KIRREL1: variants seen among roughly 807,000 people sequenced by gnomAD.
The protein encoded by KIRREL1 is kirre like nephrin family adhesion molecule 1, also known as kin of IRRE-like protein 1.
In KIRREL1, 25 loss-of-function variants were observed where a neutral mutation model predicts 83.3. The ratio of observed to expected loss-of-function variants is 0.30; its 90% confidence interval spans 0.22 to 0.42. The LOEUF is 0.42. Ranked by LOEUF, KIRREL1 falls within the 10% of genes least tolerant of loss-of-function variation. KIRREL1 has a pLI of 1.00. For synonymous variants in KIRREL1, 388 were observed against 410.4 expected (o/e 0.95, Z 0.66); for missense variants, 812 against 1,032.3 (o/e 0.79, Z 2.92).
intron 13 of KIRREL1, 78 bp downstream of exon 13, chr1:158,093,840 C>T (rs887140599): frequency 9.3e-6 from 14 of 1,510,732 alleles, no homozygotes; most frequent in Admixed American, 5.2e-5. Flanking sequence ...CTCTAATAAC[C>T]GCGGTCATTC....
At chr1:158,054,345 A>G (rs1477134325) in intron 1 of KIRREL1, among the ~76,000 whole-genome samples, 1 of 152,026 alleles carries the variant, frequency 6.6e-6, no homozygotes, top group Non-Finnish European at 1.5e-5. Flanking sequence ...TAGAAGTTAT[A>G]TAAACAAAAT....
At chr1:158,057,367 G>T (rs1661093714) in intron 1 of KIRREL1, among the ~76,000 whole-genome samples, 1 of 152,178 alleles carries the variant, frequency 6.6e-6, no homozygotes, top group Non-Finnish European at 1.5e-5. Context: ...TAGGGCCCTT[G>T]ACTTCCTAAG....
intron 10 of KIRREL1, 91 bp downstream of exon 10, chr1:158,089,909 C>A: frequency 9.2e-7 from 1 of 1,084,748 alleles, no homozygotes; most frequent in Non-Finnish European, 1.4e-6. Context: ...TTTGCTCCTT[C>A]AACTTCCCTG....
intron 1 of KIRREL1, among the ~76,000 whole-genome samples, chr1:158,049,076 G>C (rs1660847987): frequency 6.6e-6 from 1 of 152,214 alleles, no homozygotes; most frequent in African/African-American, 2.4e-5. Flanking sequence ...TGCAAGTGTG[G>C]AGACAGAACG....
At chr1:158,087,932 G>A (rs1662065584) in intron 6 of KIRREL1, 72 bp downstream of exon 6, 22 of 1,607,944 alleles carry the variant, frequency 1.4e-5, no homozygotes, top group Middle Eastern at 1.7e-4. Context: ...GCTGTACTGG[G>A]GAGGCCAGGT....
rs1314497440 is a variant in KIRREL1, at chr1:158,100,109, A to C, written c.*4989A>C. ...GGACAAACCATTGTAGGTTTTTAGC[A>C]ATGTGTATCTGTGTGTCCCTCACAC... On this transcript the variant is annotated 3_prime_UTR_variant, in exon 15 of 15. Transcript: ENST00000359209. 1 of 151,882 alleles carries C rather than the reference A, an allele frequency of 6.6e-6. No individual in the cohort carries two copies. The highest frequency in any genetic ancestry group is 1.5e-5 in the Non-Finnish European group (1 of 67,992). 9.4% of individuals were successfully genotyped at this position (151,882 alleles called of 1,614,324 possible).
At chr1:158,049,916 A>G (rs1660868789) in intron 1 of KIRREL1, among the ~76,000 whole-genome samples, 2 of 152,000 alleles carry the variant, frequency 1.3e-5, no homozygotes, top group Non-Finnish European at 2.9e-5. Context: ...GCAACCATGG[A>G]CCCTCAGTGA....
rs777168903 is a variant in KIRREL1 at position 158,099,967 on chromosome 1, C to T, written c.*4847C>T. Reference sequence around the variant, plus strand: ...TGGTCACATTTTCTACCCAGCCATTCTTGGCATTGCAACCTCCATTTCTAG... The same window carrying T: ...TGGTCACATTTTCTACCCAGCCATTTTTGGCATTGCAACCTCCATTTCTAG... On this transcript the variant is annotated 3_prime_UTR_variant, in exon 15 of 15. Transcript: ENST00000359209. The T allele has an allele frequency of 2.0e-5, 3 of 152,156 alleles. No homozygotes were observed. The highest frequency in any genetic ancestry group is 4.4e-5 in the Non-Finnish European group (3 of 68,024). 9.4% of individuals were successfully genotyped at this position (152,156 alleles called of 1,614,324 possible).
chr1:158,081,498 T>C (rs565944662), intron 3 of KIRREL1, among the ~76,000 whole-genome samples: 1 of 152,342 alleles, frequency 6.6e-6, no homozygotes, highest in East Asian at 1.9e-4. Context: ...GTGTCCATTG[T>C]ATTTTTGAAG....
chr1:158,021,691 C>T (rs973962631), intron 1 of KIRREL1, among the ~76,000 whole-genome samples: 7 of 152,188 alleles, frequency 4.6e-5, no homozygotes, highest in African/African-American at 1.7e-4. Flanking sequence ...TTTCAGTCTC[C>T]CTCCCTTTCC....
rs1446930521 is a variant in KIRREL1, at chr1:158,078,041, C to A, written c.253C>A (p.Leu85Met). 6.2e-7 allele frequency: 1 copy of A among 1,614,212 alleles called. No individual in the cohort carries two copies. The highest frequency in any genetic ancestry group is 8.5e-7 in the Non-Finnish European group (1 of 1,180,042). Residue 85 changes from leucine (L) to methionine (M), a missense_variant, in exon 3 of 15, where the codon CTG (leucine) becomes ATG (methionine). Physicochemically the swap from Leu to Met is conservative, Grantham distance 15. Around this residue, in one of 3 missense-constraint regions of KIRREL1, gnomAD observed 472 missense variants for 626.8 expected, o/e 0.75. Transcript: ENST00000359209. The part of the protein sequence containing the change: ...VGSADAGQYN[L>M]EITDAELSDD... ...CTCCGCAGACGCTGGGCAGTACAAC[C>A]TGGAGATCACAGATGCTGAGCTCTC... is the stretch of plus-strand genomic sequence containing the variant.
intron 9 of KIRREL1, 30 bp downstream of exon 9, chr1:158,089,658 C>T: frequency 6.2e-7 from 1 of 1,613,464 alleles, no homozygotes; most frequent in Non-Finnish European, 8.5e-7. Flanking sequence ...GGCAGCCGGG[C>T]CTGGGCGGGC....
At chr1:158,053,013 G>A (rs1283639751) in intron 1 of KIRREL1, among the ~76,000 whole-genome samples, 1 of 152,148 alleles carries the variant, frequency 6.6e-6, no homozygotes, top group South Asian at 2.1e-4. Context: ...TCATTACCCT[G>A]GGGAGGGCAC....
intron 1 of KIRREL1, among the ~76,000 whole-genome samples, chr1:158,054,189 G>A (rs1031221715): frequency 1.6e-5 from 2 of 127,786 alleles, no homozygotes; most frequent in African/African-American, 3.0e-5. Context: ...TTCCAGTCTC[G>A]GTGACAGAGC....
intron 1 of KIRREL1, among the ~76,000 whole-genome samples, chr1:158,060,286 T>C (rs1661178714): frequency 6.6e-6 from 1 of 152,188 alleles, no homozygotes; most frequent in Admixed American, 6.5e-5. Flanking sequence ...TCTCTGACCT[T>C]TGCCCCTCCT....
chr1:158,002,945 A>G (rs1043365311), intron 1 of KIRREL1, among the ~76,000 whole-genome samples: 9 of 152,208 alleles, frequency 5.9e-5, no homozygotes, highest in African/African-American at 9.7e-5. Flanking sequence ...GGCAGTTTAT[A>G]TAAAGCACAC....
intron 1 of KIRREL1, among the ~76,000 whole-genome samples, chr1:157,998,769 C>T (rs928115937): frequency 6.6e-6 from 1 of 152,218 alleles, no homozygotes; most frequent in Non-Finnish European, 1.5e-5. Context: ...GCTTTCAACC[C>T]TCCTTCTTAG....
rs541319024 is a variant in KIRREL1, at chr1:158,090,692, G to T, written c.1273-666G>T. Among the ~76,000 whole-genome samples the T allele has an allele frequency of 2.0e-5, 3 of 152,312 alleles. No individual in the cohort carries two copies. The South Asian group carries it at 6.2e-4, about 32-fold the overall frequency. On this transcript the variant is annotated intron_variant, in intron 10 of 14. Coordinates refer to ENST00000359209, the MANE Select transcript of KIRREL1 (RefSeq NM_018240.7). ...AGGGGTCCAGGAATACCCCGTTGTGGGTTCTGCCTATTATAAGTCTGTGGA... is the reference window on the plus strand; with the variant it reads ...AGGGGTCCAGGAATACCCCGTTGTGTGTTCTGCCTATTATAAGTCTGTGGA...
intron 1 of KIRREL1, among the ~76,000 whole-genome samples, chr1:158,003,270 A>G (rs891362246): frequency 1.3e-5 from 2 of 152,140 alleles, no homozygotes; most frequent in Non-Finnish European, 2.9e-5. Flanking sequence ...GGAGGAGAGA[A>G]CATAGTAGAG....
Sources: allele counts gnomAD v4.1 joint callset (sites outside exome capture counted in the v4.1 genomes callset), GRCh38; gene constraint gnomAD v4.1.1; regional missense constraint gnomAD v4.1.1; transcripts MANE v1.5; gene names NCBI Gene and HGNC (gene_info 2026-07-23, HGNC 2026-07-21).